Variants in CEP41 observed in about 807,000 individuals in gnomAD.
CEP41 encodes the protein centrosomal protein of 41 kDa.
A neutral mutation model predicts 44.3 loss-of-function variants in CEP41; 32 were observed. That is an observed-to-expected ratio of 0.72 (90% CI 0.54 to 0.97). The LOEUF (loss-of-function observed/expected upper bound fraction) is 0.97. CEP41 is among the 50% of genes least tolerant of loss of function. The probability of loss-of-function intolerance (pLI) is 0.00; values close to 1 mark genes in which losing one functional copy is unlikely to be tolerated. For synonymous variants in CEP41, 151 were observed against 168.5 expected (o/e 0.90, Z 0.80); for missense variants, 432 against 455.2 (o/e 0.95, Z 0.46).
rs782116378 is a variant in CEP41 at position 130,426,624 on chromosome 7, C to T, written c.97+1331G>A. The stretch of plus-strand genomic sequence containing the variant: ...AAATACAGCATTTTAAATCTAGGTG[C>T]TTACCTCACAGAATCACTTACTTCA... On this transcript the variant is annotated intron_variant, in intron 2 of 10. Coordinates refer to ENST00000223208, the MANE Select transcript of CEP41 (RefSeq NM_018718.3). 6.8e-5 allele frequency: 31 copies of T among 455,836 alleles called. No individual in the cohort carries two copies. The Middle Eastern group carries it at 9.7e-4, about 14-fold the overall frequency. The allele number at this position is 455,836 out of a possible 1,614,324, so 28.2% of individuals were successfully genotyped here. A position where few individuals can be genotyped will look rare whatever the true frequency, so the allele number is the denominator to read the frequency against.
rs548244886 is a variant in CEP41 at position 130,421,185 on chromosome 7, A to AT, written c.98-4220dup. 2.5e-4 allele frequency: 242 copies of AT among 985,380 alleles called. No homozygotes were observed. The African/African-American group carries it at 4.0e-3, about 16-fold the overall frequency. 61.0% of individuals were successfully genotyped at this position (985,380 alleles called of 1,614,324 possible). ...ATTCAGTGAATGAGTCATTCATTAG[A>AT]TTTTTTCCATTGTTTTCCTATAATT... On this transcript the variant is annotated intron_variant, in intron 2 of 10. Transcript: ENST00000223208.
At chr7:130,417,224 A>T in intron 2 of CEP41, 1 of 1,292,974 alleles carries the variant, frequency 7.7e-7, no homozygotes, top group South Asian at 1.7e-5. Context: ...GACAAGTTCC[A>T]GGAGATACAG....
Position 130,404,629 on chromosome 7 carries a change from C to T in CEP41, c.357G>A (p.Ser119=), listed in dbSNP as rs1179996142. Residue 119 remains serine, a synonymous_variant, in exon 6 of 11, where the codon TCG becomes TCA. Coordinates refer to ENST00000223208, the MANE Select transcript of CEP41 (RefSeq NM_018718.3). ...TGTTTATGAACTGCTCAGGGCTCGG[C>T]GACTGCTCACCTGGATTTCCTTTCC... ...TNGKGNPGEQ[S]PSPEQFINNA... 2.0e-5 allele frequency: 32 copies of T among 1,613,352 alleles called. No individual in the cohort carries two copies. The highest frequency in any genetic ancestry group is 6.7e-5 in the African/African-American group (5 of 74,888).
intron 3 of CEP41, among the ~76,000 whole-genome samples, chr7:130,412,750 A>T (rs1797221967): frequency 6.6e-6 from 1 of 152,188 alleles, no homozygotes; most frequent in Non-Finnish European, 1.5e-5. Flanking sequence ...GCCATTACAC[A>T]CTATGCTGAA....
intron 1 of CEP41, among the ~76,000 whole-genome samples, chr7:130,435,398 C>T (rs144548364): frequency 1.1e-3 from 169 of 152,032 alleles, no homozygotes; most frequent in African/African-American, 3.9e-3. Flanking sequence ...GAAACAAAAA[C>T]TCAACAGTTA....
intron 2 of CEP41, among the ~76,000 whole-genome samples, chr7:130,423,767 G>A (rs1283782643): frequency 6.6e-6 from 1 of 152,148 alleles, no homozygotes; most frequent in Non-Finnish European, 1.5e-5. Context: ...TACAACAGAA[G>A]ATTATTTGGC....
intron 5 of CEP41, among the ~76,000 whole-genome samples, chr7:130,405,806 AC>A (rs1321248627): frequency 6.6e-6 from 1 of 152,216 alleles, no homozygotes; most frequent in Non-Finnish European, 1.5e-5. Context: ...TCCTTAAGAA[AC>A]TAGCAGTTGT....
In CEP41 at chr7:130,397,266, G is replaced by A. The variant is rs1796690556; in HGVS notation, c.*1625C>T. 2.2e-6 allele frequency: 1 copy of A among 454,374 alleles called. No homozygotes were observed. The highest frequency in any genetic ancestry group is 2.0e-5 in the African/African-American group (1 of 49,976). The allele number at this position is 454,374 out of a possible 1,614,324, so 28.1% of individuals were successfully genotyped here. A position where few individuals can be genotyped will look rare whatever the true frequency, so the allele number is the denominator to read the frequency against. On this transcript the variant is annotated 3_prime_UTR_variant, in exon 11 of 11. Coordinates refer to ENST00000223208, the MANE Select transcript of CEP41 (RefSeq NM_018718.3). ...TGTACGTTGGCTGAATTTTATACAA[G>A]ATTCTTGAATCTTGTGGAAAATTGG...
At chr7:130,402,889 C>T in intron 6 of CEP41, 90 bp from the exon 7 acceptor site, 3 of 1,333,840 alleles carry the variant, frequency 2.2e-6, no homozygotes, top group Non-Finnish European at 3.2e-6. Flanking sequence ...GAGGTGAGTG[C>T]TCAATGTCTT....
chr7:130,426,837 C>G, intron 2 of CEP41: 1 of 283,584 alleles, frequency 3.5e-6, no homozygotes, highest in Non-Finnish European at 6.9e-6. Context: ...CTAGTTCTCT[C>G]TCCTTTATTG....
At chr7:130,431,132 A>AT (rs1295676899) in intron 1 of CEP41, among the ~76,000 whole-genome samples, 4 of 152,316 alleles carry the variant, frequency 2.6e-5, no homozygotes, top group South Asian at 2.1e-4. Flanking sequence ...ATGTAAAACT[A>AT]TTTGTGCTCC....
At chr7:130,404,538 T>C (rs1554417747) in intron 6 of CEP41, 26 bp downstream of exon 6, 2 of 1,607,440 alleles carry the variant, frequency 1.2e-6, no homozygotes, top group Admixed American at 3.3e-5. Flanking sequence ...CAAAATGCAG[T>C]GAAAATATGA....
chr7:130,397,760 A>C lies in CEP41; in HGVS notation c.*1131T>G. On this transcript the variant is annotated 3_prime_UTR_variant, in exon 11 of 11. Coordinates refer to ENST00000223208, the MANE Select transcript of CEP41 (RefSeq NM_018718.3). ...CTTACCTGAGGCCTTTTGTTCCCCC[A>C]ATTAAATGGAATGAATGTCAGTCAT... 1 of 449,226 alleles carries C rather than the reference A, an allele frequency of 2.2e-6. No individual in the cohort carries two copies. Among genetic ancestry groups the C allele is most frequent in the Non-Finnish European group, 4.5e-6 (1 of 223,396 alleles). 27.8% of individuals were successfully genotyped at this position (449,226 alleles called of 1,614,324 possible).
intron 4 of CEP41, among the ~76,000 whole-genome samples, chr7:130,411,579 G>T (rs1554419749): frequency 6.6e-6 from 1 of 152,136 alleles, no homozygotes; most frequent in Non-Finnish European, 1.5e-5. Context: ...ACGCAATGAA[G>T]AAGTAAATGT....
At chr7:130,406,382 G>A (rs1347916970) in intron 5 of CEP41, among the ~76,000 whole-genome samples, 1 of 152,002 alleles carries the variant, frequency 6.6e-6, no homozygotes, top group Non-Finnish European at 1.5e-5. Context: ...TCAGGAGTTC[G>A]AGACCAGCCT....
rs781905261 is a variant in CEP41 at position 130,428,037 on chromosome 7, C to T, written c.34-19G>A. ...TCAGATACTAAAAAATAAGGAAATTCACAATTAATTGGGTTAATGTAAGGA... is the reference window on the plus strand; with the variant it reads ...TCAGATACTAAAAAATAAGGAAATTTACAATTAATTGGGTTAATGTAAGGA... On this transcript the variant is annotated intron_variant, in intron 1 of 10. Coordinates refer to ENST00000223208, the MANE Select transcript of CEP41 (RefSeq NM_018718.3). 1 of 1,517,784 alleles carries T rather than the reference C, an allele frequency of 6.6e-7. No individual in the cohort carries two copies. The highest frequency in any genetic ancestry group is 1.7e-5 in the Admixed American group (1 of 59,872). 94.0% of individuals were successfully genotyped at this position (1,517,784 alleles called of 1,614,324 possible).
chr7:130,402,881 G>A (rs1462697672), intron 6 of CEP41, 82 bp from the exon 7 acceptor site: 2 of 1,390,756 alleles, frequency 1.4e-6, no homozygotes, highest in Non-Finnish European at 2.0e-6. Flanking sequence ...AGAATAGTGA[G>A]GTGAGTGCTC....
At chr7:130,414,274 T>G (rs998509243) in intron 3 of CEP41, among the ~76,000 whole-genome samples, 2 of 152,244 alleles carry the variant, frequency 1.3e-5, no homozygotes, top group South Asian at 4.1e-4. Context: ...CAAACCTATA[T>G]GCAGTGGAAC....
chr7:130,441,144 G>T (rs10230670), upstream of CEP41: 5,124 of 730,520 alleles, frequency 7.0e-3, 34 homozygotes, highest in Middle Eastern at 0.017. Flanking sequence ...TCGCAGAAGG[G>T]CAAGACGCCG....
Sources: gnomAD v4.1 joint callset for allele counts (sites outside exome capture counted in the v4.1 genomes callset) on GRCh38, gnomAD v4.1.1 for gene constraint, MANE v1.5 for transcripts, NCBI Gene and HGNC (gene_info 2026-07-23, HGNC 2026-07-21) for gene names.